Variants in ENPP4 observed in about 807,000 individuals in gnomAD.
ENPP4 encodes the protein bis(5'-adenosyl)-triphosphatase ENPP4.
ENPP4 carries 18 observed loss-of-function variants against 33.4 expected under a neutral mutation model. The ratio of observed to expected loss-of-function variants is 0.54; its 90% confidence interval spans 0.37 to 0.80. The LOEUF (loss-of-function observed/expected upper bound fraction) is 0.80. Ranked by LOEUF, ENPP4 falls within the 30% of genes least tolerant of loss-of-function variation. The probability of loss-of-function intolerance (pLI) is 0.00; values close to 1 mark genes in which losing one functional copy is unlikely to be tolerated. For missense variants in ENPP4, 480 were observed against 541.7 expected (o/e 0.89, Z 1.13); for synonymous variants, 172 against 189.9 (o/e 0.91, Z 0.78).
Position 46,141,049 on chromosome 6 carries a change from C to T in ENPP4, c.827-3C>T, listed in dbSNP as rs1764054112. 4 of 1,528,928 alleles carry T rather than the reference C, an allele frequency of 2.6e-6. No homozygotes were observed. The highest frequency in any genetic ancestry group is 2.3e-5 in the East Asian group (1 of 42,924). The allele number at this position is 1,528,928 out of a possible 1,614,324, so 94.7% of individuals were successfully genotyped here. A position where few individuals can be genotyped will look rare whatever the true frequency, so the allele number is the denominator to read the frequency against. On this transcript the variant is annotated splice_region_variant and splice_polypyrimidine_tract_variant and intron_variant, in intron 2 of 3. Transcript: ENST00000321037. The stretch of plus-strand genomic sequence containing the variant: ...TCCTTTGCTGTTTCTTTTTTTTTCT[C>T]AGATAGAACAGAGGTTTATAACAAA...
At chr6:46,133,521 G>A (rs77667128) in intron 1 of ENPP4, among the ~76,000 whole-genome samples, 3,098 of 152,268 alleles carry the variant, frequency 0.02, 101 homozygotes, top group African/African-American at 0.07. Flanking sequence ...GCCAGTGAGA[G>A]TTGACTGCAT....
intron 1 of ENPP4, 32 bp downstream of exon 1, chr6:46,130,221 G>A (rs1390689735): frequency 1.3e-5 from 2 of 152,354 alleles, no homozygotes; most frequent in East Asian, 3.9e-4. Flanking sequence ...TCGGCGTTCT[G>A]GGGGGCAATG....
chr6:46,140,700 G>T (rs183325254), intron 2 of ENPP4, among the ~76,000 whole-genome samples: 1 of 151,716 alleles, frequency 6.6e-6, no homozygotes, highest in Admixed American at 6.6e-5. Flanking sequence ...AGATTTTAGT[G>T]TGTGATATTT....
In ENPP4 at chr6:46,145,127, T is replaced by A. The variant is rs1372698316; in HGVS notation, c.*1487T>A. The A allele has an allele frequency of 2.6e-6, 1 of 386,112 alleles. No individual in the cohort carries two copies. Among genetic ancestry groups the A allele is most frequent in the Admixed American group, 4.5e-5 (1 of 22,372 alleles). 23.9% of individuals were successfully genotyped at this position (386,112 alleles called of 1,614,324 possible). A position where few individuals can be genotyped will look rare whatever the true frequency, so the allele number is the denominator to read the frequency against. Reference sequence around the variant, plus strand: ...GACAATATAAAATAAACTTGGTAACTGTTTTACAAATATAAAAGTATAATA... The same window carrying A: ...GACAATATAAAATAAACTTGGTAACAGTTTTACAAATATAAAAGTATAATA... On this transcript the variant is annotated 3_prime_UTR_variant, in exon 4 of 4. Coordinates refer to ENST00000321037, the MANE Select transcript of ENPP4 (RefSeq NM_014936.5).
chr6:46,140,532 G>T, intron 2 of ENPP4, 123 bp downstream of exon 2: 1 of 603,650 alleles, frequency 1.7e-6, no homozygotes, highest in Non-Finnish European at 2.8e-6. Flanking sequence ...CTCAGAGTGG[G>T]ATTATATGTT....
At chr6:46,139,095 A>G (rs558799011) in intron 1 of ENPP4, among the ~76,000 whole-genome samples, 7 of 151,918 alleles carry the variant, frequency 4.6e-5, no homozygotes, top group African/African-American at 1.7e-4. Context: ...ATATGGTAGA[A>G]TTTCCACCAA....
chr6:46,144,936 A>G lies in ENPP4; in HGVS notation c.*1296A>G, dbSNP rs1581958641. 1 of 396,504 alleles carries G rather than the reference A, an allele frequency of 2.5e-6. No individual in the cohort carries two copies. The highest frequency in any genetic ancestry group is 4.5e-6 in the Non-Finnish European group (1 of 224,526). The allele number at this position is 396,504 out of a possible 1,614,324, so 24.6% of individuals were successfully genotyped here. ...TCAGAGCCAAGGGTTTATTGTGAAG[A>G]ACTGTCATCCTGCCTTTGCTAGCTG... On this transcript the variant is annotated 3_prime_UTR_variant, in exon 4 of 4. Coordinates refer to ENST00000321037, the MANE Select transcript of ENPP4 (RefSeq NM_014936.5).
In ENPP4 at chr6:46,139,859, CATGTATGATGCAGTCA is replaced by C. The variant is rs1764029937; in HGVS notation, c.277_292del (p.Met93GlnfsTer24). ...AAAGCCATGGCATTGTGGCTAATTC[CATGTATGATGCAGTCA>C]CAAAGAAACACTTTTCTGACTCTAA... On this transcript the variant is annotated frameshift_variant, in exon 2 of 4. Transcript: ENST00000321037. LOFTEE classifies it high-confidence loss of function. 1 of 1,612,514 alleles carries C rather than the reference CATGTATGATGCAGTCA, an allele frequency of 6.2e-7. No individual in the cohort carries two copies. The highest frequency in any genetic ancestry group is 8.5e-7 in the Non-Finnish European group (1 of 1,179,070).
intron 1 of ENPP4, among the ~76,000 whole-genome samples, chr6:46,132,372 T>G (rs2127491629): frequency 6.6e-6 from 1 of 152,364 alleles, no homozygotes; most frequent in African/African-American, 2.4e-5. Context: ...TTTCTACATA[T>G]GGCTAGCCAG....
rs760857224 is a variant in ENPP4, at chr6:46,141,037, C to CT, written c.827-6dup. 1,245 of 1,496,944 alleles carry CT rather than the reference C, an allele frequency of 8.3e-4. No homozygotes were observed. Among genetic ancestry groups the CT allele is most frequent in the African/African-American group, 2.0e-3 (133 of 67,750 alleles). 92.7% of individuals were successfully genotyped at this position (1,496,944 alleles called of 1,614,324 possible). A position where few individuals can be genotyped will look rare whatever the true frequency, so the allele number is the denominator to read the frequency against. ...TCATAACTTGTTTCCTTTGCTGTTT[C>CT]TTTTTTTTTCTCAGATAGAACAGAG... On this transcript the variant is annotated splice_polypyrimidine_tract_variant and intron_variant, in intron 2 of 3. Coordinates refer to ENST00000321037, the MANE Select transcript of ENPP4 (RefSeq NM_014936.5).
At chr6:46,134,000 A>T (rs1763940244) in intron 1 of ENPP4, among the ~76,000 whole-genome samples, 1 of 152,178 alleles carries the variant, frequency 6.6e-6, no homozygotes, top group Admixed American at 6.5e-5. Flanking sequence ...TTGCTTTCTG[A>T]GCCCGGCTAA....
Position 46,144,689 on chromosome 6 carries a change from G to T in ENPP4, c.*1049G>T. The stretch of plus-strand genomic sequence containing the variant: ...ATGACCCAAATACAAATCTCAATTT[G>T]ACTGGGACAGAATGAGGAATGGAGA... On this transcript the variant is annotated 3_prime_UTR_variant, in exon 4 of 4. Transcript: ENST00000321037. 3.0e-6 allele frequency: 1 copy of T among 338,868 alleles called. No homozygotes were observed. The highest frequency in any genetic ancestry group is 4.4e-5 in the East Asian group (1 of 22,858). 21.0% of individuals were successfully genotyped at this position (338,868 alleles called of 1,614,324 possible).
chr6:46,139,858 C>G lies in ENPP4; in HGVS notation c.275C>G (p.Ser92Cys), dbSNP rs77776444. The change falls in exon 2 of 4, where the codon TCC becomes TGC. Residue 92 changes from serine (S) to cysteine (C), a missense_variant. By Grantham distance (112) the Ser-to-Cys change is moderately radical. Transcript: ENST00000321037. Reference protein sequence around the residue: ...YEESHGIVANSMYDAVTKKHF... With the variant: ...YEESHGIVANCMYDAVTKKHF... ...GAAAGCCATGGCATTGTGGCTAATT[C>G]CATGTATGATGCAGTCACAAAGAAA... 3 of 1,612,490 alleles carry G rather than the reference C, an allele frequency of 1.9e-6. No homozygotes were observed. The highest frequency in any genetic ancestry group is 2.7e-5 in the African/African-American group (2 of 74,768).
intron 1 of ENPP4, among the ~76,000 whole-genome samples, chr6:46,137,405 A>G (rs1011089229): frequency 6.6e-6 from 1 of 151,884 alleles, no homozygotes; most frequent in African/African-American, 2.4e-5. Context: ...AATCTACTCA[A>G]TCCAAGCTTT....
chr6:46,142,736 A>G (rs1245603575), intron 3 of ENPP4, among the ~76,000 whole-genome samples: 1 of 151,726 alleles, frequency 6.6e-6, no homozygotes, highest in African/African-American at 2.4e-5. Flanking sequence ...TTGGAGTTGT[A>G]TTAGGGACTA....
chr6:46,142,146 A>G (rs541559237), intron 3 of ENPP4, among the ~76,000 whole-genome samples: 1 of 151,344 alleles, frequency 6.6e-6, no homozygotes. Flanking sequence ...ATTTACATCA[A>G]TGTTATGTTG....
At position 46,143,785 on chromosome 6, in the gene ENPP4, C is replaced by A; in HGVS notation, c.*145C>A. 1 of 882,620 alleles carries A rather than the reference C, an allele frequency of 1.1e-6. No individual in the cohort carries two copies. The highest frequency in any genetic ancestry group is 1.7e-6 in the Non-Finnish European group (1 of 589,638). The allele number at this position is 882,620 out of a possible 1,614,324, so 54.7% of individuals were successfully genotyped here. A position where few individuals can be genotyped will look rare whatever the true frequency, so the allele number is the denominator to read the frequency against. On this transcript the variant is annotated 3_prime_UTR_variant, in exon 4 of 4. Transcript: ENST00000321037. ...ATGTTAAAATTATTACTTTGTTTTC[C>A]TTGTGTTTTGTTTCGGTGCATTTGC...
intron 1 of ENPP4, among the ~76,000 whole-genome samples, 163 bp downstream of exon 1, chr6:46,130,352 G>C (rs1281941877): frequency 6.6e-6 from 1 of 152,252 alleles, no homozygotes. Context: ...TCCACGAAGG[G>C]ACTCAAAGAG....
At chr6:46,132,294 C>T (rs113969966) in intron 1 of ENPP4, among the ~76,000 whole-genome samples, 1 of 152,148 alleles carries the variant, frequency 6.6e-6, no homozygotes, top group African/African-American at 2.4e-5. Context: ...TTAGGTCTAA[C>T]GTTTAAGTCT....
Sources: gnomAD v4.1 joint callset for allele counts (sites outside exome capture counted in the v4.1 genomes callset) on GRCh38, gnomAD v4.1.1 for gene constraint, MANE v1.5 for transcripts, NCBI Gene and HGNC (gene_info 2026-07-23, HGNC 2026-07-21) for gene names.